Variants in CLSTN2 observed in about 807,000 individuals in gnomAD.
The protein encoded by CLSTN2 is calsyntenin-2.
In CLSTN2, 48 loss-of-function variants were observed where a neutral mutation model predicts 101.2. That is an observed-to-expected ratio of 0.47 (90% CI 0.38 to 0.60). The LOEUF (loss-of-function observed/expected upper bound fraction) is 0.60, where lower values mean the gene tolerates loss of function less well. Among genes scored for constraint, CLSTN2 ranks in the 20% least tolerant of loss-of-function variants. The pLI is 0.00. For synonymous variants in CLSTN2, 481 were observed against 463.6 expected (o/e 1.04, Z -0.48); for missense variants, 1,160 against 1,238.2 (o/e 0.94, Z 0.95).
At chr3:140,556,490 T>C (rs766663710) in intron 10 of CLSTN2, 23 bp from the exon 11 acceptor site, 31 of 1,613,366 alleles carry the variant, frequency 1.9e-5, no homozygotes, top group Non-Finnish European at 2.5e-5. Flanking sequence ...TTCTCTTCCA[T>C]GATGCTCACT....
At chr3:140,019,926 G>A (rs1576399074) in intron 1 of CLSTN2, among the ~76,000 whole-genome samples, 1 of 152,222 alleles carries the variant, frequency 6.6e-6, no homozygotes, top group African/African-American at 2.4e-5. Context: ...AAGGCAATAG[G>A]TCGGGGAAGG....
At chr3:140,373,236 A>G (rs1399243810) in intron 2 of CLSTN2, among the ~76,000 whole-genome samples, 2 of 152,234 alleles carry the variant, frequency 1.3e-5, no homozygotes, top group Admixed American at 6.5e-5. Flanking sequence ...AAATTCTGTC[A>G]CAATTCTATT....
chr3:140,422,199 CT>C (rs1298056914), intron 5 of CLSTN2, among the ~76,000 whole-genome samples: 3 of 149,688 alleles, frequency 2.0e-5, no homozygotes, highest in Non-Finnish European at 4.5e-5. Flanking sequence ...TTCTCTCTCT[CT>C]CTCTCTCTCT....
In CLSTN2 at chr3:139,937,531, G is replaced by T. The variant is rs180759501; in HGVS notation, c.109+2048G>T. On this transcript the variant is annotated intron_variant, in intron 1 of 16. Transcript: ENST00000458420. ...GCGGGCGGATCACCTGAGGTTAGGG[G>T]TTCGAGACCAGCCTGACCAACATGG... Among the ~76,000 whole-genome samples the T allele has an allele frequency of 2.7e-3, 406 of 150,422 alleles. 1 individual carries two copies. The highest frequency in any genetic ancestry group is 9.4e-3 in the African/African-American group (384 of 40,722).
chr3:140,510,832 C>T (rs1336821626), intron 8 of CLSTN2, among the ~76,000 whole-genome samples: 1 of 152,204 alleles, frequency 6.6e-6, no homozygotes, highest in Non-Finnish European at 1.5e-5. Flanking sequence ...TGGGTGCTAA[C>T]CAAAGTCTCT....
intron 1 of CLSTN2, among the ~76,000 whole-genome samples, chr3:140,025,246 G>GT (rs762151583): frequency 6.6e-6 from 1 of 152,116 alleles, no homozygotes; most frequent in Admixed American, 6.6e-5. Flanking sequence ...TTATTCCTGG[G>GT]TGTGCTGACC....
At chr3:140,115,857 A>C (rs1478798247) in intron 1 of CLSTN2, among the ~76,000 whole-genome samples, 1 of 152,208 alleles carries the variant, frequency 6.6e-6, no homozygotes, top group Non-Finnish European at 1.5e-5. Context: ...CTTGATCAGA[A>C]ATCCTCTACA....
chr3:140,551,362 AT>A (rs1185187164), intron 10 of CLSTN2, among the ~76,000 whole-genome samples: 1 of 152,166 alleles, frequency 6.6e-6, no homozygotes, highest in African/African-American at 2.4e-5. Context: ...ATATTTATGA[AT>A]ATTTCTCCAG....
chr3:140,314,882 G>A (rs139332188), intron 2 of CLSTN2, among the ~76,000 whole-genome samples: 1 of 152,252 alleles, frequency 6.6e-6, no homozygotes, highest in African/African-American at 2.4e-5. Context: ...CCTAAAGGAA[G>A]GAATCCTCCT....
At chr3:139,990,225 C>A (rs1254052694) in intron 1 of CLSTN2, among the ~76,000 whole-genome samples, 1 of 152,106 alleles carries the variant, frequency 6.6e-6, no homozygotes, top group Non-Finnish European at 1.5e-5. Flanking sequence ...GAAAATTGCA[C>A]CTGAATGTCA....
intron 1 of CLSTN2, among the ~76,000 whole-genome samples, chr3:140,163,456 A>G (rs2010084257): frequency 6.6e-6 from 1 of 151,992 alleles, no homozygotes; most frequent in African/African-American, 2.4e-5. Flanking sequence ...ACACAGATGT[A>G]GAGCTAGATA....
intron 2 of CLSTN2, among the ~76,000 whole-genome samples, chr3:140,386,573 C>T (rs1042260338): frequency 1.3e-5 from 2 of 152,218 alleles, no homozygotes; most frequent in African/African-American, 4.8e-5. Flanking sequence ...GTGCAGCCAG[C>T]TCTCCCCTGC....
At chr3:140,196,626 G>A (rs1178706304) in intron 2 of CLSTN2, among the ~76,000 whole-genome samples, 6 of 152,158 alleles carry the variant, frequency 3.9e-5, no homozygotes, top group Non-Finnish European at 5.9e-5. Flanking sequence ...TTTCAGTCCC[G>A]TGTAATTACA....
chr3:140,052,617 G>A (rs1202910503), intron 1 of CLSTN2, among the ~76,000 whole-genome samples: 2 of 152,192 alleles, frequency 1.3e-5, no homozygotes, highest in Admixed American at 6.5e-5. Flanking sequence ...AACCAGCTGT[G>A]TCTCCCACCA....
intron 1 of CLSTN2, among the ~76,000 whole-genome samples, chr3:140,137,169 G>T (rs936337159): frequency 4.6e-5 from 7 of 152,148 alleles, no homozygotes; most frequent in Admixed American, 3.3e-4. Flanking sequence ...GGAACAAAGA[G>T]AATTCTATCT....
intron 5 of CLSTN2, among the ~76,000 whole-genome samples, chr3:140,436,111 A>G (rs1559869124): frequency 6.6e-6 from 1 of 151,920 alleles, no homozygotes; most frequent in African/African-American, 2.4e-5. Context: ...CCTTGTGAAC[A>G]TGTTGCCTGT....
Position 140,572,376 on chromosome 3 carries a change from G to C in CLSTN2, c.*6123G>C, listed in dbSNP as rs1315046354. On this transcript the variant is annotated 3_prime_UTR_variant, in exon 17 of 17. Transcript: ENST00000458420. ...GGCAGAAATAACATGGTTGACAGCT[G>C]ACATTCAGAGAAAATAAGACAGAAG... is the stretch of plus-strand genomic sequence containing the variant. The C allele has an allele frequency of 1.3e-5, 2 of 152,372 alleles. No individual in the cohort carries two copies. The highest frequency in any genetic ancestry group is 2.9e-5 in the Non-Finnish European group (2 of 68,048). The allele number at this position is 152,372 out of a possible 1,614,324, so 9.4% of individuals were successfully genotyped here. A position where few individuals can be genotyped will look rare whatever the true frequency, so the allele number is the denominator to read the frequency against.
chr3:139,945,794 GTTTGA>G (rs1477217778), intron 1 of CLSTN2, among the ~76,000 whole-genome samples: 1 of 152,152 alleles, frequency 6.6e-6, no homozygotes, highest in Non-Finnish European at 1.5e-5. Context: ...TTACAGAGGT[GTTTGA>G]TTTATTATTT....
chr3:140,042,456 A>G (rs762836843), intron 1 of CLSTN2, among the ~76,000 whole-genome samples: 103 of 152,156 alleles, frequency 6.8e-4, no homozygotes, highest in South Asian at 1.7e-3. Flanking sequence ...GATGTACCCC[A>G]TTTTATTTTT....
Sources: gnomAD v4.1 joint callset for allele counts (sites outside exome capture counted in the v4.1 genomes callset) on GRCh38, gnomAD v4.1.1 for gene constraint, MANE v1.5 for transcripts, NCBI Gene and HGNC (gene_info 2026-07-23, HGNC 2026-07-21) for gene names.